Variants in MRM2 observed in about 807,000 individuals in gnomAD.
MRM2 encodes mitochondrial rRNA methyltransferase 2, also known as rRNA methyltransferase 2, mitochondrial.
MRM2 carries 15 observed loss-of-function variants against 10.9 expected under a neutral mutation model. The observed-to-expected ratio is 1.37, with a 90% CI of 0.92 to 2.11. The LOEUF is 2.11. Ranked by LOEUF, MRM2 falls within the 30% of genes most tolerant of loss-of-function variation. The pLI, the probability that MRM2 is intolerant of heterozygous loss-of-function variation, is 0.00. For missense variants in MRM2, 328 were observed against 321.3 expected (o/e 1.02, Z -0.16); for synonymous variants, 139 against 128.7 (o/e 1.08, Z -0.54).
In MRM2 at chr7:2,235,033, C is replaced by T. The variant is rs1345697290; in HGVS notation, c.*89G>A. The T allele has an allele frequency of 2.0e-6, 2 of 1,016,556 alleles. No individual in the cohort carries two copies. Among genetic ancestry groups the T allele is most frequent in the African/African-American group, 1.6e-5 (1 of 62,600 alleles). 63.0% of individuals were successfully genotyped at this position (1,016,556 alleles called of 1,614,324 possible). On this transcript the variant is annotated 3_prime_UTR_variant, in exon 3 of 3. Transcript: ENST00000242257. ...TCCTGCTCCATCTCCAAAATCAGCT[C>T]AAATCTCCCAGGAACTCTTCAGGAG...
chr7:2,237,550 C>T (rs1032670396), intron 2 of MRM2, among the ~76,000 whole-genome samples: 18 of 152,196 alleles, frequency 1.2e-4, no homozygotes, highest in African/African-American at 4.1e-4. Flanking sequence ...ACTAGGAGGA[C>T]TCCACGGTGA....
chr7:2,241,969 G>T, intron 1 of MRM2, 193 bp downstream of exon 1: 1 of 550,562 alleles, frequency 1.8e-6, no homozygotes, highest in Non-Finnish European at 3.0e-6. Flanking sequence ...CCCTGCCCCT[G>T]GAGACCTGAG....
rs543581590 is a variant in MRM2, at chr7:2,235,045, G to A, written c.*77C>T. 1.0e-4 allele frequency: 116 copies of A among 1,119,316 alleles called. No homozygotes were observed. In the Middle Eastern group the frequency reaches 5.2e-3, roughly 51 times the overall value. 69.3% of individuals were successfully genotyped at this position (1,119,316 alleles called of 1,614,324 possible). On this transcript the variant is annotated 3_prime_UTR_variant, in exon 3 of 3. Transcript: ENST00000242257. Reference sequence around the variant, plus strand: ...TCCAAAATCAGCTCAAATCTCCCAGGAACTCTTCAGGAGCTCAGGCTACGT... The same window carrying A: ...TCCAAAATCAGCTCAAATCTCCCAGAAACTCTTCAGGAGCTCAGGCTACGT...
chr7:2,235,629 C>T, intron 2 of MRM2, 65 bp from the exon 3 acceptor site: 1 of 1,110,170 alleles, frequency 9.0e-7, no homozygotes, highest in Non-Finnish European at 1.3e-6. Flanking sequence ...AAATACAGTA[C>T]ATGCAACAAA....
In MRM2 at chr7:2,235,432, G is replaced by A. The variant is rs374659490; in HGVS notation, c.431C>T (p.Pro144Leu). 18 of 1,613,956 alleles carry A rather than the reference G, an allele frequency of 1.1e-5. No individual in the cohort carries two copies. Among genetic ancestry groups the A allele is most frequent in the African/African-American group, 1.1e-4 (8 of 74,912 alleles). Residue 144 changes from proline (P) to leucine (L), a missense_variant, in exon 3 of 3, where the codon CCT (proline) becomes CTT (leucine). Pro to Leu is a moderately conservative substitution (Grantham distance 98). Transcript: ENST00000242257. ...CAGAATCACATCTGCTCTCCTGCCA[G>A]GAAGCACCTCGAGGATTCTCTGTGA... ...RTSQRILEVL[P>L]GRRADVILSD...
chr7:2,239,477 CCA>C lies in MRM2; in HGVS notation c.237_238del (p.Cys79TrpfsTer50), dbSNP rs1158932618. ...CTGACTCCAGGCCCCAGGAGCTGCC[CCA>C]CAGTCTAACACCCGAAGGCCGGGCC... is the stretch of plus-strand genomic sequence containing the variant. On this transcript the variant is annotated frameshift_variant, in exon 2 of 3. Transcript: ENST00000242257. LOFTEE classifies it high-confidence loss of function. The C allele has an allele frequency of 5.0e-6, 8 of 1,613,762 alleles. No individual in the cohort carries two copies. The highest frequency in any genetic ancestry group is 5.9e-6 in the Non-Finnish European group (7 of 1,179,974).
rs1794369866 is a variant in MRM2 at position 2,234,200 on chromosome 7, TA to T, written c.*921del. Reference sequence around the variant, plus strand: ...AAAACTTCAAAGCATGAAAGTACCTTAAAATAATGCAATCTCTATTATTTTA... The same window carrying T: ...AAAACTTCAAAGCATGAAAGTACCTTAAATAATGCAATCTCTATTATTTTA... On this transcript the variant is annotated 3_prime_UTR_variant, in exon 3 of 3. Coordinates refer to ENST00000242257, the MANE Select transcript of MRM2 (RefSeq NM_013393.3). 1 of 152,216 alleles carries T rather than the reference TA, an allele frequency of 6.6e-6. No individual in the cohort carries two copies. Among genetic ancestry groups the T allele is most frequent in the Admixed American group, 6.5e-5 (1 of 15,276 alleles). 9.4% of individuals were successfully genotyped at this position (152,216 alleles called of 1,614,324 possible). A position where few individuals can be genotyped will look rare whatever the true frequency, so the allele number is the denominator to read the frequency against.
At chr7:2,242,100 C>A (rs1201928910) in intron 1 of MRM2, 62 bp downstream of exon 1, 3 of 1,553,406 alleles carry the variant, frequency 1.9e-6, no homozygotes, top group Admixed American at 3.6e-5. Context: ...CCGAGGAAGG[C>A]GACCGGGCGG....
In MRM2 at chr7:2,239,850, C is replaced by A. The variant is rs1444569040; in HGVS notation, c.9-143G>T. 9.9e-6 allele frequency: 7 copies of A among 705,990 alleles called. No individual in the cohort carries two copies. In the Admixed American group the frequency reaches 1.4e-4, roughly 14 times the overall value. The allele number at this position is 705,990 out of a possible 1,614,324, so 43.7% of individuals were successfully genotyped here. A position where few individuals can be genotyped will look rare whatever the true frequency, so the allele number is the denominator to read the frequency against. ...GGGGAGGTGAACTGATAAGGCTACACAGATGGAAAGCAGGCATCACAGGCC... is the reference window on the plus strand; with the variant it reads ...GGGGAGGTGAACTGATAAGGCTACAAAGATGGAAAGCAGGCATCACAGGCC... On this transcript the variant is annotated intron_variant, in intron 1 of 2. Transcript: ENST00000242257.
At position 2,234,532 on chromosome 7, in the gene MRM2, T is replaced by C. The variant is rs1318509017; in HGVS notation, c.*590A>G. ...TGGTTTGCTTTTTGGTTTTTCATTT[T>C]TGTAGACATGGGGGGTGTTGCTATG... On this transcript the variant is annotated 3_prime_UTR_variant, in exon 3 of 3. Coordinates refer to ENST00000242257, the MANE Select transcript of MRM2 (RefSeq NM_013393.3). 1 of 152,476 alleles carries C rather than the reference T, an allele frequency of 6.6e-6. No individual in the cohort carries two copies. Among genetic ancestry groups the C allele is most frequent in the Admixed American group, 6.5e-5 (1 of 15,304 alleles). 9.4% of individuals were successfully genotyped at this position (152,476 alleles called of 1,614,324 possible).
At chr7:2,236,959 C>T (rs1043748628) in intron 2 of MRM2, among the ~76,000 whole-genome samples, 1 of 152,198 alleles carries the variant, frequency 6.6e-6, no homozygotes, top group Non-Finnish European at 1.5e-5. Context: ...TAAGGTGACA[C>T]AAAGGCATCT....
chr7:2,242,003 C>T lies in MRM2; in HGVS notation c.8+159G>A, dbSNP rs1033257961. On this transcript the variant is annotated intron_variant, in intron 1 of 2. Coordinates refer to ENST00000242257, the MANE Select transcript of MRM2 (RefSeq NM_013393.3). ...AGGGCGCCCTCCTCCCGGGGAACTG[C>T]GACCCGGAATCCTGGCCTCGCCCCT... The T allele has an allele frequency of 4.7e-5, 35 of 745,120 alleles. No individual in the cohort carries two copies. In the African/African-American group the frequency reaches 6.1e-4, roughly 13 times the overall value. The allele number at this position is 745,120 out of a possible 1,614,324, so 46.2% of individuals were successfully genotyped here. A position where few individuals can be genotyped will look rare whatever the true frequency, so the allele number is the denominator to read the frequency against.
intron 2 of MRM2, chr7:2,238,147 TTTGGGAGAGAC>T (rs918542066): frequency 2.6e-5 from 4 of 152,346 alleles, no homozygotes; most frequent in South Asian, 4.1e-4. Context: ...CTCTAAGGTA[TTTGGGAGAGAC>T]TTGGGAGAGC....
chr7:2,236,072 A>G (rs1794414215), intron 2 of MRM2, among the ~76,000 whole-genome samples: 1 of 152,106 alleles, frequency 6.6e-6, no homozygotes, highest in Admixed American at 6.5e-5. Context: ...TCTACTAAAA[A>G]TACAAAAATT....
At position 2,242,083 on chromosome 7, in the gene MRM2, G is replaced by A. The variant is rs1465164460; in HGVS notation, c.8+79C>T. ...CCAGCGCTCGGCACCCAGCCCCGAG[G>A]CCAGGACCGAGGAAGGCGACCGGGC... On this transcript the variant is annotated intron_variant, in intron 1 of 2. Coordinates refer to ENST00000242257, the MANE Select transcript of MRM2 (RefSeq NM_013393.3). 8.8e-6 allele frequency: 13 copies of A among 1,480,380 alleles called. No homozygotes were observed. In the South Asian group the frequency reaches 1.6e-4, roughly 18 times the overall value. The allele number at this position is 1,480,380 out of a possible 1,614,324, so 91.7% of individuals were successfully genotyped here.
chr7:2,240,164 G>C, intron 1 of MRM2: 1 of 387,520 alleles, frequency 2.6e-6, no homozygotes, highest in Non-Finnish European at 5.2e-6. Flanking sequence ...AGAGGTTGCA[G>C]TGAGCCGAGA....
intron 1 of MRM2, 73 bp downstream of exon 1, chr7:2,242,077 CCCGAGGCCAGGA>C (rs1794558629): frequency 7.0e-7 from 1 of 1,424,588 alleles, no homozygotes; most frequent in Non-Finnish European, 9.6e-7. Flanking sequence ...GGCACCCAGC[CCCGAGGCCAGGA>C]CCGAGGAAGG....
rs759444303 is a variant in MRM2 at position 2,239,719 on chromosome 7, G to T, written c.9-12C>A. 6.2e-7 allele frequency: 1 copy of T among 1,607,448 alleles called. No homozygotes were observed. The highest frequency in any genetic ancestry group is 1.1e-5 in the South Asian group (1 of 90,892). ...CCAGCTTCAAGTACCTGGTGGGAGA[G>T]AAGAGGAGCAGGCAGGTTGGCATCA... On this transcript the variant is annotated splice_polypyrimidine_tract_variant and intron_variant, in intron 1 of 2. Coordinates refer to ENST00000242257, the MANE Select transcript of MRM2 (RefSeq NM_013393.3).
intron 2 of MRM2, among the ~76,000 whole-genome samples, chr7:2,236,351 A>G (rs192396182): frequency 7.5e-4 from 114 of 152,338 alleles, no homozygotes; most frequent in African/African-American, 2.7e-3. Context: ...TACTGGAAAC[A>G]AGTCAAGAGA....
Sources: gnomAD v4.1 joint callset for allele counts (sites outside exome capture counted in the v4.1 genomes callset) on GRCh38, gnomAD v4.1.1 for gene constraint, MANE v1.5 for transcripts, NCBI Gene and HGNC (gene_info 2026-07-23, HGNC 2026-07-21) for gene names.